The following DEPDC1 variants were observed in gnomAD, a reference collection of about 807,000 sequenced individuals.
DEPDC1 encodes the protein DEP domain containing 1.
DEPDC1 carries 66 observed loss-of-function variants against 86.8 expected under a neutral mutation model. That is an observed-to-expected ratio of 0.76 (90% CI 0.62 to 0.93). The LOEUF (loss-of-function observed/expected upper bound fraction) is 0.93, where lower values mean the gene tolerates loss of function less well. Among genes scored for constraint, DEPDC1 ranks in the 40% least tolerant of loss-of-function variants. The pLI is 0.00. For missense variants in DEPDC1, 792 were observed against 935.7 expected, an observed-to-expected ratio of 0.85 and a Z score of 2.00; for synonymous variants, 255 against 314.9, an observed-to-expected ratio of 0.81 and a Z score of 2.02.
At position 68,476,943 on chromosome 1, in the gene DEPDC1, T is replaced by C. The variant is rs1338309561; in HGVS notation, c.2425A>G (p.Ser809Gly). 3 of 1,597,110 alleles carry C rather than the reference T, an allele frequency of 1.9e-6. No homozygotes were observed. The highest frequency in any genetic ancestry group is 2.6e-6 in the Non-Finnish European group (3 of 1,172,146). The change falls in exon 12 of 12, where the codon AGT becomes GGT. Residue 809 changes from serine (S) to glycine (G), a missense_variant. By Grantham distance (56) the Ser-to-Gly change is moderately conservative. Coordinates refer to ENST00000456315, the MANE Select transcript of DEPDC1 (RefSeq NM_001114120.3). ...TTTAATTCAGTTAGTTATCTTAGAC[T>C]ACGGAACTTTGGTTTTCTTAAAATC... ...MLILRKPKFR[S>G]LR
At chr1:68,489,781 T>C (rs1002170784) in intron 2 of DEPDC1, among the ~76,000 whole-genome samples, 173 bp from the exon 3 acceptor site, 2 of 151,982 alleles carry the variant, frequency 1.3e-5, no homozygotes, top group African/African-American at 4.8e-5. Flanking sequence ...AGGTTCCTTT[T>C]TTCTTTAGTA....
Position 68,481,568 on chromosome 1 carries a change from G to A in DEPDC1, c.1807C>T (p.Gln603Ter). ...HLERVAIDAL[Q>*]LCCLLLPPPN... is the part of the protein sequence containing the mutation. ...GGGGGAAGTAACAAACAACATAACT[G>A]TAGAGCATCGATGGCAACCCTCTCT... Residue 603 changes from glutamine (Q) to a stop codon, truncating the protein, a stop_gained, in exon 9 of 12, where the codon CAG (glutamine) becomes TAG (stop). Coordinates refer to ENST00000456315, the MANE Select transcript of DEPDC1 (RefSeq NM_001114120.3). LOFTEE classifies it high-confidence loss of function. 1 of 1,610,550 alleles carries A rather than the reference G, an allele frequency of 6.2e-7. No homozygotes were observed. The highest frequency in any genetic ancestry group is 8.5e-7 in the Non-Finnish European group (1 of 1,178,046).
At chr1:68,491,905 A>G (rs1245954362) in intron 2 of DEPDC1, among the ~76,000 whole-genome samples, 2 of 149,566 alleles carry the variant, frequency 1.3e-5, no homozygotes, top group East Asian at 3.9e-4. Flanking sequence ...ATATGCCACC[A>G]TGCCTGGCTA....
intron 6 of DEPDC1, among the ~76,000 whole-genome samples, chr1:68,486,433 A>G (rs988463140): frequency 6.6e-6 from 1 of 152,092 alleles, no homozygotes; most frequent in Admixed American, 6.6e-5. Context: ...ACCATGAGCC[A>G]ATTAAACCTC....
In DEPDC1 at chr1:68,494,465, T is replaced by A. The variant is rs781194488; in HGVS notation, c.279A>T (p.Gly93=). The change falls in exon 2 of 12, where the codon GGA becomes GGT. Residue 93 remains glycine (G), a synonymous_variant. Coordinates refer to ENST00000456315, the MANE Select transcript of DEPDC1 (RefSeq NM_001114120.3). ...GGTTGTTATCATCAACATTTTCTGATCCCCACCTCCCTTTGATATCTTCAA... is the reference window on the plus strand; with the variant it reads ...GGTTGTTATCATCAACATTTTCTGAACCCCACCTCCCTTTGATATCTTCAA... The part of the protein sequence containing the change: ...HVIEDIKGRW[G]SENVDDNNQL... 12 of 1,613,576 alleles carry A rather than the reference T, an allele frequency of 7.4e-6. No individual in the cohort carries two copies. Among genetic ancestry groups the A allele is most frequent in the Non-Finnish European group, 9.3e-6 (11 of 1,179,740 alleles).
chr1:68,478,733 T>C (rs1320372634), intron 10 of DEPDC1, among the ~76,000 whole-genome samples: 1 of 151,956 alleles, frequency 6.6e-6, no homozygotes, highest in Non-Finnish European at 1.5e-5. Flanking sequence ...GTAGAACCAA[T>C]CAGAGTAAGG....
At chr1:68,485,612 C>T (rs1360328735) in intron 6 of DEPDC1, among the ~76,000 whole-genome samples, 2 of 152,054 alleles carry the variant, frequency 1.3e-5, no homozygotes, top group Non-Finnish European at 2.9e-5. Context: ...CCCTGAAGAC[C>T]AGATGTCAGA....
chr1:68,474,296 T>C lies in DEPDC1; in HGVS notation c.*2636A>G, dbSNP rs1398025015. The C allele has an allele frequency of 2.0e-5, 3 of 152,084 alleles. No homozygotes were observed. Among genetic ancestry groups the C allele is most frequent in the Admixed American group, 6.6e-5 (1 of 15,242 alleles). The allele number at this position is 152,084 out of a possible 1,614,324, so 9.4% of individuals were successfully genotyped here. A position where few individuals can be genotyped will look rare whatever the true frequency, so the allele number is the denominator to read the frequency against. On this transcript the variant is annotated 3_prime_UTR_variant, in exon 12 of 12. Coordinates refer to ENST00000456315, the MANE Select transcript of DEPDC1 (RefSeq NM_001114120.3). The stretch of plus-strand genomic sequence containing the variant: ...TCACTACAATCACAACTCAGTTAGG[T>C]AGATACTTTAATTCACATTTTACAG...
At chr1:68,491,189 G>T (rs745998277) in intron 2 of DEPDC1, among the ~76,000 whole-genome samples, 1 of 152,116 alleles carries the variant, frequency 6.6e-6, no homozygotes, top group Non-Finnish European at 1.5e-5. Context: ...CAAATGGACT[G>T]TAGTTACATG....
chr1:68,479,126 A>G lies in DEPDC1; in HGVS notation c.2112+18T>C, dbSNP rs1375000858. 1 of 1,583,568 alleles carries G rather than the reference A, an allele frequency of 6.3e-7. No homozygotes were observed. The highest frequency in any genetic ancestry group is 8.6e-7 in the Non-Finnish European group (1 of 1,166,674). On this transcript the variant is annotated intron_variant, in intron 10 of 11. Coordinates refer to ENST00000456315, the MANE Select transcript of DEPDC1 (RefSeq NM_001114120.3). The stretch of plus-strand genomic sequence containing the variant: ...GCAACTGACTATTGCAGAGAATTTT[A>G]AGACTCACAATACTTACATGTCCCT...
Position 68,477,930 on chromosome 1 carries a change from A to G in DEPDC1, c.2155T>C (p.Tyr719His). Residue 719 changes from tyrosine (Y) to histidine (H), a missense_variant, in exon 11 of 12, where the codon TAC (tyrosine) becomes CAC (histidine). Tyr to His is a moderately conservative substitution (Grantham distance 83). Transcript: ENST00000456315. ...GDGLFAPLPT[Y>H]SYCKQISAQE... ...GCACTAATCTGCTTACAGTATGAGT[A>G]AGTTGGCAAAGGAGCAAATAGTCCA... The G allele has an allele frequency of 6.4e-7, 1 of 1,568,698 alleles. No individual in the cohort carries two copies. Among genetic ancestry groups the G allele is most frequent in the Non-Finnish European group, 8.6e-7 (1 of 1,157,706 alleles).
In DEPDC1 at chr1:68,486,919, C is replaced by G. The variant is rs1443078957; in HGVS notation, c.769+18G>C. On this transcript the variant is annotated intron_variant, in intron 6 of 11. Transcript: ENST00000456315. Reference sequence around the variant, plus strand: ...ACACACACACACACACACACACACACACATATATTTAACTTACAATTTGCT... The same window carrying G: ...ACACACACACACACACACACACACAGACATATATTTAACTTACAATTTGCT... The G allele has an allele frequency of 6.5e-7, 1 of 1,544,066 alleles. No homozygotes were observed. Among genetic ancestry groups the G allele is most frequent in the African/African-American group, 1.4e-5 (1 of 69,982 alleles).
rs1363543830 is a variant in DEPDC1, at chr1:68,481,458, T to C, written c.1917A>G (p.Ala639=). The change falls in exon 9 of 12, where the codon GCA becomes GCG. Residue 639 remains alanine, a synonymous_variant. Coordinates refer to ENST00000456315, the MANE Select transcript of DEPDC1 (RefSeq NM_001114120.3). ...QNVDMPKLHD[A]MGTRSLMIHT... is the part of the protein sequence containing the mutation. ...AACTTACCAGTGACCTCGTACCCATTGCATCATGAAGTTTGGGCATATCAA... is the reference window on the plus strand; with the variant it reads ...AACTTACCAGTGACCTCGTACCCATCGCATCATGAAGTTTGGGCATATCAA... 2 of 1,612,082 alleles carry C rather than the reference T, an allele frequency of 1.2e-6. No homozygotes were observed. Among genetic ancestry groups the C allele is most frequent in the African/African-American group, 1.3e-5 (1 of 74,806 alleles).
rs1571193584 is a variant in DEPDC1, at chr1:68,479,032, G to A, written c.2112+112C>T. On this transcript the variant is annotated intron_variant, in intron 10 of 11. Coordinates refer to ENST00000456315, the MANE Select transcript of DEPDC1 (RefSeq NM_001114120.3). The stretch of plus-strand genomic sequence containing the variant: ...ATTCTGTCTACATTCCTGACTTTTA[G>A]AGGTTGTTTATGGGAGCTGATAAAG... 3.5e-6 allele frequency: 3 copies of A among 852,662 alleles called. No homozygotes were observed. The African/African-American group carries it at 5.2e-5, about 15-fold the overall frequency. 52.8% of individuals were successfully genotyped at this position (852,662 alleles called of 1,614,324 possible).
chr1:68,493,130 G>A (rs1646240505), intron 2 of DEPDC1, among the ~76,000 whole-genome samples: 1 of 152,170 alleles, frequency 6.6e-6, no homozygotes, highest in Non-Finnish European at 1.5e-5. Context: ...AGGATGAGCA[G>A]CAGTAAAGGA....
intron 6 of DEPDC1, 28 bp from the exon 7 acceptor site, chr1:68,484,118 G>A (rs766073726): frequency 6.8e-7 from 1 of 1,476,158 alleles, no homozygotes; most frequent in Non-Finnish European, 9.1e-7. Flanking sequence ...AGAGAAAAAG[G>A]TAAAGTATAT....
At chr1:68,483,793 C>G (rs991029794) in intron 7 of DEPDC1, among the ~76,000 whole-genome samples, 157 bp downstream of exon 7, 2 of 151,856 alleles carry the variant, frequency 1.3e-5, no homozygotes, top group Non-Finnish European at 2.9e-5. Flanking sequence ...GTTGGCTGGG[C>G]GGAAGTATGA....
Position 68,481,534 on chromosome 1 carries a change from C to T in DEPDC1, c.1841G>A (p.Arg614His), listed in dbSNP as rs752745984. The change falls in exon 9 of 12, where the codon CGT becomes CAT. Residue 614 changes from arginine (R) to histidine (H), a missense_variant. Physicochemically the swap from Arg to His is conservative, Grantham distance 29. Coordinates refer to ENST00000456315, the MANE Select transcript of DEPDC1 (RefSeq NM_001114120.3). ...ACGCATTAAAAGTTGAAGCTTTCTACGATTTGGTGGGGGAAGTAACAAACA... is the reference window on the plus strand; with the variant it reads ...ACGCATTAAAAGTTGAAGCTTTCTATGATTTGGTGGGGGAAGTAACAAACA... ...LCCLLLPPPN[R>H]RKLQLLMRMI... 17 of 1,611,990 alleles carry T rather than the reference C, an allele frequency of 1.1e-5. No homozygotes were observed. Among genetic ancestry groups the T allele is most frequent in the South Asian group, 5.5e-5 (5 of 90,940 alleles).
At chr1:68,493,316 G>GA (rs113875393) in intron 2 of DEPDC1, among the ~76,000 whole-genome samples, 97 of 150,626 alleles carry the variant, frequency 6.4e-4, no homozygotes, top group African/African-American at 2.1e-3. Flanking sequence ...AATGTTGTAG[G>GA]AAAAAAAAAG....
Sources: allele counts gnomAD v4.1 joint callset (sites outside exome capture counted in the v4.1 genomes callset), GRCh38; gene constraint gnomAD v4.1.1; transcripts MANE v1.5; gene names NCBI Gene and HGNC (gene_info 2026-07-23, HGNC 2026-07-21).